Variants in MTHFD2 observed in about 807,000 individuals in gnomAD.
MTHFD2 encodes bifunctional methylenetetrahydrofolate dehydrogenase/cyclohydrolase, mitochondrial.
Under a neutral mutation model 36.8 loss-of-function variants are expected in MTHFD2, and 26 were observed. That is an observed-to-expected ratio of 0.71 (90% CI 0.52 to 0.98). The LOEUF (loss-of-function observed/expected upper bound fraction) is 0.98, where lower values mean the gene tolerates loss of function less well. Among genes scored for constraint, MTHFD2 ranks in the 50% least tolerant of loss-of-function variants. The probability of loss-of-function intolerance (pLI) is 0.00; values close to 1 mark genes in which losing one functional copy is unlikely to be tolerated. For synonymous variants in MTHFD2, 164 were observed against 155.2 expected (o/e 1.06, Z -0.42); for missense variants, 373 against 434.0 (o/e 0.86, Z 1.25).
Position 74,217,139 on chromosome 2 carries a change from G to C in MTHFD2, c.*2897G>C, listed in dbSNP as rs1694469225. ...CTATACTCAAGGTGTTAATGATCTA[G>C]TGTCATTTTTCTTTAAAAAAGAAAG... is the stretch of plus-strand genomic sequence containing the variant. On this transcript the variant is annotated 3_prime_UTR_variant, in exon 8 of 8. Transcript: ENST00000394053. 6.6e-6 allele frequency: 1 copy of C among 152,170 alleles called. No individual in the cohort carries two copies. The highest frequency in any genetic ancestry group is 1.5e-5 in the Non-Finnish European group (1 of 68,030). The allele number at this position is 152,170 out of a possible 1,614,324, so 9.4% of individuals were successfully genotyped here. A position where few individuals can be genotyped will look rare whatever the true frequency, so the allele number is the denominator to read the frequency against.
intron 7 of MTHFD2, among the ~76,000 whole-genome samples, chr2:74,213,585 C>T (rs1015112544): frequency 5.9e-5 from 9 of 152,142 alleles, no homozygotes; most frequent in African/African-American, 1.9e-4. Context: ...CCACTGTACC[C>T]GGCCTATGCT....
rs548502498 is a variant in MTHFD2, at chr2:74,210,004, A to G, written c.625A>G (p.Ile209Val). ...AGRSKNVGMP[I>V]AMLLHTDGAH... The stretch of plus-strand genomic sequence containing the variant: ...AAGGTCAAAAAACGTTGGAATGCCC[A>G]TTGCAATGTTACTGCACACAGATGG... Residue 209 changes from isoleucine (I) to valine (V), a missense_variant, in exon 5 of 8, where the codon ATT (isoleucine) becomes GTT (valine). Physicochemically the swap from Ile to Val is conservative, Grantham distance 29. This residue lies in a region of MTHFD2 where 308 missense variants were observed against 397.8 expected (regional missense o/e 0.77). Transcript: ENST00000394053. The G allele has an allele frequency of 2.6e-5, 42 of 1,613,888 alleles. 1 individual carries two copies. In the South Asian group the frequency reaches 4.1e-4, roughly 16 times the overall value.
intron 4 of MTHFD2, among the ~76,000 whole-genome samples, chr2:74,209,032 C>T (rs1392819895): frequency 1.3e-5 from 2 of 151,562 alleles, no homozygotes; most frequent in Non-Finnish European, 2.9e-5. Context: ...TGCCACCATG[C>T]CCAGCTAATT....
rs774595885 is a variant in MTHFD2 at position 74,205,832 on chromosome 2, G to C, written c.229G>C (p.Glu77Gln). The C allele has an allele frequency of 6.2e-7, 1 of 1,613,868 alleles. No individual in the cohort carries two copies. Among genetic ancestry groups the C allele is most frequent in the South Asian group, 1.1e-5 (1 of 91,068 alleles). The change falls in exon 2 of 8, where the codon GAG becomes CAG. Residue 77 changes from glutamate to glutamine, a missense_variant. Around this residue, in one of 2 missense-constraint regions of MTHFD2, gnomAD observed 308 missense variants for 397.8 expected, o/e 0.77. Coordinates refer to ENST00000394053, the MANE Select transcript of MTHFD2 (RefSeq NM_006636.4). ...ACACCTGAGTGTGATCCTGGTTGGC[G>C]AGAATCCTGCAAGTCACTCCTATGT... is the stretch of plus-strand genomic sequence containing the variant. Reference protein sequence around the residue: ...RPHLSVILVGENPASHSYVLN... With the variant: ...RPHLSVILVGQNPASHSYVLN...
At position 74,207,697 on chromosome 2, in the gene MTHFD2, A is replaced by G; in HGVS notation, c.287-7A>G. On this transcript the variant is annotated splice_polypyrimidine_tract_variant and splice_region_variant and intron_variant, in intron 2 of 7. Coordinates refer to ENST00000394053, the MANE Select transcript of MTHFD2 (RefSeq NM_006636.4). ...AATTTTTTTAACCTCAAAATTTCTT[A>G]TAATAGGAATCAACAGTGAGACAAT... The G allele has an allele frequency of 2.5e-6, 4 of 1,596,026 alleles. No homozygotes were observed. Among genetic ancestry groups the G allele is most frequent in the Non-Finnish European group, 3.4e-6 (4 of 1,166,558 alleles).
intron 1 of MTHFD2, 80 bp from the exon 2 acceptor site, chr2:74,205,625 T>A: frequency 6.7e-7 from 1 of 1,484,484 alleles, no homozygotes; most frequent in Non-Finnish European, 9.1e-7. Context: ...ATTACAGGCA[T>A]AAGCCACTAC....
At chr2:74,198,784 G>A in intron 1 of MTHFD2, 42 bp downstream of exon 1, 2 of 1,531,068 alleles carry the variant, frequency 1.3e-6, no homozygotes, top group Non-Finnish European at 1.8e-6. Context: ...AAAGCTGAGG[G>A]GAACGGAGGG....
chr2:74,214,146 G>A lies in MTHFD2; in HGVS notation c.957G>A (p.Met319Ile), dbSNP rs779324370. The stretch of plus-strand genomic sequence containing the variant: ...GTGTTGGCCCCATGACAGTGGCAAT[G>A]CTAATGAAGAATACCATTATTGCTG... ...PGGVGPMTVA[M>I]LMKNTIIAAK... Residue 319 changes from methionine to isoleucine, a missense_variant, in exon 8 of 8, where the codon ATG (methionine) becomes ATA (isoleucine). By Grantham distance (10) the Met-to-Ile change is conservative (BLOSUM62 1). Coordinates refer to ENST00000394053, the MANE Select transcript of MTHFD2 (RefSeq NM_006636.4). 6.2e-7 allele frequency: 1 copy of A among 1,614,132 alleles called. No homozygotes were observed. The highest frequency in any genetic ancestry group is 8.5e-7 in the Non-Finnish European group (1 of 1,179,976).
At chr2:74,207,073 AAAAG>A (rs930683106) in intron 2 of MTHFD2, among the ~76,000 whole-genome samples, 3 of 151,754 alleles carry the variant, frequency 2.0e-5, no homozygotes, top group African/African-American at 7.3e-5. Context: ...GGTGCAGAAA[AAAAG>A]AACATGGATT....
intron 1 of MTHFD2, among the ~76,000 whole-genome samples, chr2:74,204,308 C>G (rs1267974369): frequency 2.0e-5 from 3 of 152,134 alleles, no homozygotes; most frequent in African/African-American, 7.2e-5. Flanking sequence ...TCATGGAACC[C>G]AGGAAGAGTT....
At position 74,215,416 on chromosome 2, in the gene MTHFD2, T is replaced by G. The variant is rs1171340890; in HGVS notation, c.*1174T>G. On this transcript the variant is annotated 3_prime_UTR_variant, in exon 8 of 8. Coordinates refer to ENST00000394053, the MANE Select transcript of MTHFD2 (RefSeq NM_006636.4). ...TATAGCCTTAAATAGATAATTTTTT[T>G]TCTTCTATTTTTTTTTTTTTTTTTG... is the stretch of plus-strand genomic sequence containing the variant. The G allele has an allele frequency of 6.6e-6, 1 of 151,166 alleles. No homozygotes were observed. The highest frequency in any genetic ancestry group is 1.5e-5 in the Non-Finnish European group (1 of 68,088). The allele number at this position is 151,166 out of a possible 1,614,324, so 9.4% of individuals were successfully genotyped here.
Position 74,211,801 on chromosome 2 carries a change from GAATA to G in MTHFD2, c.829_832del (p.Asn277GlufsTer6), listed in dbSNP as rs1347320396. 1.9e-5 allele frequency: 31 copies of G among 1,611,926 alleles called. No individual in the cohort carries two copies. Among genetic ancestry groups the G allele is most frequent in the Non-Finnish European group, 2.5e-5 (29 of 1,179,714 alleles). On this transcript the variant is annotated frameshift_variant, in exon 7 of 8. Coordinates refer to ENST00000394053, the MANE Select transcript of MTHFD2 (RefSeq NM_006636.4). LOFTEE classifies it high-confidence loss of function. Reference sequence around the variant, plus strand: ...GAAGGAGCAGCAGTCATTGATGTGGGAATAAATAGAGTTCACGATCCTGTAACTG... The same window carrying G: ...GAAGGAGCAGCAGTCATTGATGTGGGAATAGAGTTCACGATCCTGTAACTG...
intron 7 of MTHFD2, 36 bp from the exon 8 acceptor site, chr2:74,214,043 T>C (rs369132396): frequency 8.7e-6 from 14 of 1,600,598 alleles, no homozygotes; most frequent in Admixed American, 3.5e-5. Context: ...TCCTTTGCCA[T>C]AACTAAAGCA....
At chr2:74,199,507 G>A (rs1367006604) in intron 1 of MTHFD2, among the ~76,000 whole-genome samples, 2 of 152,202 alleles carry the variant, frequency 1.3e-5, no homozygotes, top group African/African-American at 4.8e-5. Flanking sequence ...TCTGAAGATG[G>A]ATGGTGGTGA....
chr2:74,210,876 T>G (rs1043896839), intron 5 of MTHFD2, among the ~76,000 whole-genome samples: 1 of 150,484 alleles, frequency 6.6e-6, no homozygotes, highest in African/African-American at 2.5e-5. Context: ...AACCTCCACC[T>G]TCCAGGTTCA....
intron 1 of MTHFD2, among the ~76,000 whole-genome samples, chr2:74,205,482 C>T (rs1270639659): frequency 6.6e-6 from 1 of 152,006 alleles, no homozygotes; most frequent in Non-Finnish European, 1.5e-5. Flanking sequence ...TTATCCCCCT[C>T]CATATGTAGC....
intron 1 of MTHFD2, among the ~76,000 whole-genome samples, chr2:74,202,571 C>T (rs960333029): frequency 6.6e-6 from 1 of 151,898 alleles, no homozygotes; most frequent in Non-Finnish European, 1.5e-5. Context: ...AGTGCAGTGG[C>T]ACGATCTCCG....
intron 1 of MTHFD2, among the ~76,000 whole-genome samples, chr2:74,201,120 TG>T (rs1188156205): frequency 6.6e-6 from 1 of 152,150 alleles, no homozygotes; most frequent in Non-Finnish European, 1.5e-5. Flanking sequence ...CCCAAACAGC[TG>T]GGACTATAGG....
At chr2:74,209,906 G>T in intron 4 of MTHFD2, 36 bp from the exon 5 acceptor site, 1 of 1,562,404 alleles carries the variant, frequency 6.4e-7, no homozygotes, top group Non-Finnish European at 8.7e-7. Flanking sequence ...CTTTGGACTG[G>T]CACTACTTTT....
Sources: allele counts gnomAD v4.1 joint callset (sites outside exome capture counted in the v4.1 genomes callset), GRCh38; gene constraint gnomAD v4.1.1; regional missense constraint gnomAD v4.1.1; transcripts MANE v1.5; gene names NCBI Gene and HGNC (gene_info 2026-07-23, HGNC 2026-07-21).